KLHL1: variants seen among roughly 807,000 people sequenced by gnomAD.
KLHL1 encodes kelch like family member 1, also known as kelch-like protein 1.
Under a neutral mutation model 77.7 loss-of-function variants are expected in KLHL1, and 47 were observed. That is an observed-to-expected ratio of 0.60 (90% CI 0.48 to 0.77). KLHL1 has a LOEUF of 0.77. Among genes scored for constraint, KLHL1 ranks in the 30% least tolerant of loss-of-function variants. The pLI is 0.00. For missense variants in KLHL1, 925 were observed against 910.8 expected, an observed-to-expected ratio of 1.02 and a Z score of -0.20; for synonymous variants, 360 against 325.2, an observed-to-expected ratio of 1.11 and a Z score of -1.15.
intron 1 of KLHL1, among the ~76,000 whole-genome samples, chr13:70,097,121 A>G (rs1011338612): frequency 3.3e-5 from 5 of 151,974 alleles, no homozygotes; most frequent in African/African-American, 1.2e-4. Flanking sequence ...ACATTATGGG[A>G]CTTTGAGAAC....
intron 7 of KLHL1, among the ~76,000 whole-genome samples, chr13:69,748,679 C>G (rs1259613312): frequency 6.6e-6 from 1 of 151,820 alleles, no homozygotes; most frequent in Non-Finnish European, 1.5e-5. Flanking sequence ...GTATATAACT[C>G]ATAGTATTTG....
chr13:69,824,229 C>T (rs1466473891), intron 6 of KLHL1, among the ~76,000 whole-genome samples: 1 of 151,840 alleles, frequency 6.6e-6, no homozygotes, highest in Non-Finnish European at 1.5e-5. Flanking sequence ...CCCGAAAGTC[C>T]AGGTTGTTAC....
At chr13:70,003,530 C>T (rs1195840664) in intron 1 of KLHL1, among the ~76,000 whole-genome samples, 1 of 151,586 alleles carries the variant, frequency 6.6e-6, no homozygotes, top group Non-Finnish European at 1.5e-5. Context: ...ATATTCACTG[C>T]CTCCCTTTAG....
chr13:69,921,284 T>C (rs1593951354), intron 4 of KLHL1, among the ~76,000 whole-genome samples: 1 of 152,210 alleles, frequency 6.6e-6, no homozygotes, highest in East Asian at 1.9e-4. Flanking sequence ...ATGTCTCTTG[T>C]AGAAAATCTA....
intron 7 of KLHL1, among the ~76,000 whole-genome samples, chr13:69,761,572 G>A (rs150608399): frequency 2.6e-5 from 4 of 152,224 alleles, no homozygotes; most frequent in African/African-American, 9.6e-5. Flanking sequence ...TGAATACCAG[G>A]AAAATACTAT....
chr13:69,934,302 C>T (rs545319647), intron 4 of KLHL1, among the ~76,000 whole-genome samples: 10 of 152,084 alleles, frequency 6.6e-5, no homozygotes, highest in African/African-American at 1.2e-4. Flanking sequence ...TTTTATTTCT[C>T]AGTCTCCGAA....
At chr13:70,021,278 T>C (rs1379170114) in intron 1 of KLHL1, among the ~76,000 whole-genome samples, 1 of 152,104 alleles carries the variant, frequency 6.6e-6, no homozygotes, top group Non-Finnish European at 1.5e-5. Context: ...GATTTTCAGA[T>C]TGACCTTTTC....
chr13:69,771,706 A>G (rs1875575981), intron 7 of KLHL1, among the ~76,000 whole-genome samples: 1 of 152,046 alleles, frequency 6.6e-6, no homozygotes, highest in Non-Finnish European at 1.5e-5. Context: ...CATAGTTTTT[A>G]GATTTGGGGG....
intron 1 of KLHL1, among the ~76,000 whole-genome samples, chr13:70,034,367 T>C (rs1428309876): frequency 1.3e-5 from 2 of 152,176 alleles, no homozygotes; most frequent in African/African-American, 2.4e-5. Flanking sequence ...CTAGATTCTT[T>C]AGGTCAGAGG....
At chr13:69,758,036 G>GT (rs1427834462) in intron 7 of KLHL1, among the ~76,000 whole-genome samples, 4 of 149,668 alleles carry the variant, frequency 2.7e-5, no homozygotes, top group East Asian at 2.0e-4. Context: ...GTAATAAAAG[G>GT]TTTTTTAAAA....
chr13:70,068,205 G>A (rs1006895405), intron 1 of KLHL1, among the ~76,000 whole-genome samples: 2 of 152,022 alleles, frequency 1.3e-5, no homozygotes, highest in East Asian at 1.9e-4. Flanking sequence ...GCCGGGCGTG[G>A]TGGCGGGCGC....
intron 1 of KLHL1, among the ~76,000 whole-genome samples, chr13:70,097,319 G>A (rs1887815263): frequency 6.6e-6 from 1 of 151,986 alleles, no homozygotes; most frequent in Non-Finnish European, 1.5e-5. Context: ...CCTCAAAGCA[G>A]AGGAAAACTT....
chr13:69,765,899 C>G (rs1051288999), intron 7 of KLHL1, among the ~76,000 whole-genome samples: 2 of 152,164 alleles, frequency 1.3e-5, no homozygotes, highest in African/African-American at 4.8e-5. Context: ...GACTTTACCA[C>G]AGGGAAAAAA....
Position 69,961,426 on chromosome 13 carries a change from G to A in KLHL1, c.699C>T (p.Val233=). The A allele has an allele frequency of 1.2e-6, 2 of 1,612,822 alleles. No homozygotes were observed. Among genetic ancestry groups the A allele is most frequent in the South Asian group, 2.2e-5 (2 of 91,048 alleles). The change falls in exon 3 of 11, where the codon GTC becomes GTT. Residue 233 remains valine (V), a synonymous_variant. Transcript: ENST00000377844. ...IPAHRLVLSS[V]SDYFAAMFTS... is the part of the protein sequence containing the mutation. ...TAAACATGGCCGCAAAATAGTCGGA[G>A]ACTGAACTCAGAACAAGCCTGAAAG...
chr13:69,796,419 C>T (rs1042710625), intron 7 of KLHL1, among the ~76,000 whole-genome samples: 2 of 151,922 alleles, frequency 1.3e-5, no homozygotes, highest in Non-Finnish European at 2.9e-5. Context: ...TATTAGTTCC[C>T]TCAAGAGCTG....
intron 4 of KLHL1, among the ~76,000 whole-genome samples, chr13:69,901,102 A>G (rs1159852780): frequency 6.6e-6 from 1 of 152,224 alleles, no homozygotes; most frequent in Non-Finnish European, 1.5e-5. Context: ...TTTGTAAGAC[A>G]CTGTACATGC....
chr13:69,802,944 G>T (rs1160130002), intron 6 of KLHL1: 1 of 152,038 alleles, frequency 6.6e-6, no homozygotes, highest in African/African-American at 2.4e-5. Flanking sequence ...TTATAAGGCT[G>T]GTCTGAGTGC....
intron 6 of KLHL1, among the ~76,000 whole-genome samples, chr13:69,806,575 A>T (rs1877626944): frequency 6.6e-6 from 1 of 152,166 alleles, no homozygotes; most frequent in Admixed American, 6.6e-5. Context: ...GCTGGAAACC[A>T]ACTGAGACCC....
chr13:70,017,387 T>C (rs1451891643), intron 1 of KLHL1, among the ~76,000 whole-genome samples: 2 of 152,158 alleles, frequency 1.3e-5, no homozygotes, highest in Admixed American at 1.3e-4. Context: ...ATTGCCCACA[T>C]CGGAAGCTGC....
Sources: gnomAD v4.1 joint callset for allele counts (sites outside exome capture counted in the v4.1 genomes callset) on GRCh38, gnomAD v4.1.1 for gene constraint, MANE v1.5 for transcripts, NCBI Gene and HGNC (gene_info 2026-07-23, HGNC 2026-07-21) for gene names.